The following MAF variants were observed in gnomAD, a reference collection of about 807,000 sequenced individuals.
The protein encoded by MAF is MAF bZIP transcription factor, also known as transcription factor Maf.
In MAF, 10 loss-of-function variants were observed where a neutral mutation model predicts 22.0. The ratio of observed to expected loss-of-function variants is 0.45; its 90% CI spans 0.28 to 0.77. The LOEUF (loss-of-function observed/expected upper bound fraction) is 0.77. Ranked by LOEUF, MAF falls within the 30% of genes least tolerant of loss-of-function variation. MAF has a pLI of 0.12. For missense variants in MAF, 544 were observed against 548.4 expected, an observed-to-expected ratio of 0.99 and a Z score of 0.08; for synonymous variants, 337 against 255.8, an observed-to-expected ratio of 1.32 and a Z score of -3.03.
chr16:79,573,292 G>C, the MAF span, among the ~76,000 whole-genome samples: 1 of 152,032 alleles, frequency 6.6e-6, no homozygotes, highest in Non-Finnish European at 1.5e-5. Context: ...CAAACTTACC[G>C]AGCCTTTGCT....
At chr16:79,417,651 T>C in the MAF span, among the ~76,000 whole-genome samples, 1 of 152,124 alleles carries the variant, frequency 6.6e-6, no homozygotes, top group East Asian at 1.9e-4. Context: ...CTAGCCTGCT[T>C]CCCCTTCTTG....
At chr16:79,236,190 G>C in the MAF span, among the ~76,000 whole-genome samples, 6 of 152,064 alleles carry the variant, frequency 3.9e-5, no homozygotes, top group African/African-American at 7.2e-5. Flanking sequence ...CCTCGCCATA[G>C]CTTGTGCGCT....
At chr16:79,393,729 T>C in the MAF span, among the ~76,000 whole-genome samples, 2 of 152,112 alleles carry the variant, frequency 1.3e-5, no homozygotes, top group Non-Finnish European at 2.9e-5. Flanking sequence ...GCTCCTCTCT[T>C]TTCTGGGCCT....
the MAF span, among the ~76,000 whole-genome samples, chr16:79,368,428 A>G: frequency 6.6e-6 from 1 of 152,090 alleles, no homozygotes; most frequent in African/African-American, 2.4e-5. Context: ...ACGATTGTGT[A>G]TTTTACAGAG....
the MAF span, among the ~76,000 whole-genome samples, chr16:79,410,854 T>C: frequency 6.6e-5 from 10 of 152,134 alleles, no homozygotes; most frequent in African/African-American, 2.2e-4. Context: ...CAGGCCTGAT[T>C]GGAGGCAGAG....
the MAF span, chr16:79,211,597 T>G: frequency 6.2e-7 from 1 of 1,614,174 alleles, no homozygotes; most frequent in Non-Finnish European, 8.5e-7. Flanking sequence ...TCTTTCTTCT[T>G]GGATTTCCAG....
the MAF span, among the ~76,000 whole-genome samples, chr16:79,256,790 G>C: frequency 6.6e-6 from 1 of 152,126 alleles, no homozygotes; most frequent in Non-Finnish European, 1.5e-5. Context: ...CACATTTTAA[G>C]CCTTAAAAAT....
At chr16:79,435,511 G>C in the MAF span, among the ~76,000 whole-genome samples, 1 of 152,188 alleles carries the variant, frequency 6.6e-6, no homozygotes, top group Admixed American at 6.5e-5. Context: ...TGTACATTCA[G>C]TCATTCATGC....
chr16:79,540,202 T>A, the MAF span, among the ~76,000 whole-genome samples: 3 of 150,730 alleles, frequency 2.0e-5, no homozygotes, highest in African/African-American at 7.3e-5. Context: ...ATCAGACAGG[T>A]TACGTGATGA....
the MAF span, among the ~76,000 whole-genome samples, chr16:79,560,258 A>G: frequency 6.6e-6 from 1 of 152,142 alleles, no homozygotes; most frequent in African/African-American, 2.4e-5. Context: ...TCCATGTCAC[A>G]TATTACTTTG....
chr16:79,390,063 G>A, the MAF span, among the ~76,000 whole-genome samples: 1 of 150,996 alleles, frequency 6.6e-6, no homozygotes, highest in Non-Finnish European at 1.5e-5. Flanking sequence ...TCTTCACATG[G>A]CATGTGTGAG....
the MAF span, chr16:79,211,517 G>T: frequency 6.5e-7 from 1 of 1,530,060 alleles, no homozygotes; most frequent in Non-Finnish European, 9.0e-7. Context: ...CCAGGTGGGG[G>T]AGGCCTGCTA....
the MAF span, among the ~76,000 whole-genome samples, chr16:79,501,045 C>T: frequency 6.6e-6 from 1 of 152,136 alleles, no homozygotes; most frequent in Non-Finnish European, 1.5e-5. Flanking sequence ...TAAAGGGATC[C>T]TGTAACAGGT....
the MAF span, among the ~76,000 whole-genome samples, chr16:79,501,096 A>T: frequency 6.6e-6 from 1 of 152,128 alleles, no homozygotes; most frequent in Non-Finnish European, 1.5e-5. Context: ...CAGTTCTAGA[A>T]GTCCTAAATC....
chr16:79,515,813 A>G, the MAF span, among the ~76,000 whole-genome samples: 1 of 152,216 alleles, frequency 6.6e-6, no homozygotes, highest in African/African-American at 2.4e-5. Flanking sequence ...TGATGGAATC[A>G]CTACATTCTA....
the MAF span, among the ~76,000 whole-genome samples, chr16:79,380,000 T>C: frequency 6.6e-6 from 1 of 152,150 alleles, no homozygotes; most frequent in Non-Finnish European, 1.5e-5. Context: ...TAAGACACAG[T>C]TCTGCTTCAA....
At chr16:79,312,970 G>A in the MAF span, among the ~76,000 whole-genome samples, 1 of 152,094 alleles carries the variant, frequency 6.6e-6, no homozygotes, top group Non-Finnish European at 1.5e-5. Flanking sequence ...GATGAGATGG[G>A]GACAGTGGAG....
the MAF span, among the ~76,000 whole-genome samples, chr16:79,511,548 A>G: frequency 2.6e-5 from 4 of 152,228 alleles, no homozygotes; most frequent in East Asian, 7.7e-4. Flanking sequence ...CGTAGAATGC[A>G]TTTAGAGCCA....
chr16:79,261,444 C>T, the MAF span, among the ~76,000 whole-genome samples: 5 of 152,236 alleles, frequency 3.3e-5, no homozygotes, highest in South Asian at 2.1e-4. Flanking sequence ...TGAGCCACCA[C>T]GCCTGGCTGG....
Sources: allele counts gnomAD v4.1 joint callset (sites outside exome capture counted in the v4.1 genomes callset), GRCh38; gene constraint gnomAD v4.1.1; transcripts MANE v1.5; gene names NCBI Gene and HGNC (gene_info 2026-07-23, HGNC 2026-07-21).